Variants in PCSK5 observed in about 807,000 individuals in gnomAD.
PCSK5 encodes prohormone convertase 5.
Under a neutral mutation model 233.2 loss-of-function variants are expected in PCSK5, and 129 were observed. The ratio of observed to expected loss-of-function variants is 0.55; its 90% CI spans 0.48 to 0.64. The LOEUF (loss-of-function observed/expected upper bound fraction) is 0.64. PCSK5 is among the 30% of genes least tolerant of loss of function. PCSK5 has a pLI of 0.00. For synonymous variants in PCSK5, 825 were observed against 879.2 expected, an observed-to-expected ratio of 0.94 and a Z score of 1.09; for missense variants, 2,076 against 2,430.1, an observed-to-expected ratio of 0.85 and a Z score of 3.06.
intron 20 of PCSK5, among the ~76,000 whole-genome samples, chr9:76,208,907 C>G (rs1410187658): frequency 1.3e-5 from 2 of 152,126 alleles, no homozygotes; most frequent in African/African-American, 2.4e-5. Flanking sequence ...TTCACTTTAC[C>G]TCCTGAAACT....
intron 1 of PCSK5, among the ~76,000 whole-genome samples, chr9:75,924,627 A>G (rs968762492): frequency 6.6e-6 from 1 of 152,108 alleles, no homozygotes; most frequent in African/African-American, 2.4e-5. Context: ...GAGAAAAGGA[A>G]TGAGCTCTCT....
chr9:76,006,416 A>G (rs1827481519), intron 3 of PCSK5, among the ~76,000 whole-genome samples: 1 of 151,976 alleles, frequency 6.6e-6, no homozygotes, highest in Non-Finnish European at 1.5e-5. Flanking sequence ...GGAAGGTTGT[A>G]TTATTATTTT....
intron 29 of PCSK5, among the ~76,000 whole-genome samples, chr9:76,309,676 CAAA>C (rs781340914): frequency 1.7e-5 from 2 of 114,574 alleles, no homozygotes. Flanking sequence ...GACGCTGCCT[CAAA>C]AAAAAAAAAA....
At position 76,159,043 on chromosome 9, in the gene PCSK5, C is replaced by A; in HGVS notation, c.1491C>A (p.Asn497Lys). Residue 497 changes from asparagine to lysine, a missense_variant, in exon 12 of 38, where the codon AAC (asparagine) becomes AAA (lysine). Asn to Lys is a moderately conservative substitution (Grantham distance 94). Coordinates refer to ENST00000674117, the MANE Select transcript of PCSK5 (RefSeq NM_001372043.1). ...ACAAAGCTTCAGGCTGCTCGGATAA[C>A]CCCAACCGCCATGTCAACTACCTGG... ...SIYKASGCSDNPNRHVNYLEH... is the reference protein window; with the variant it reads ...SIYKASGCSDKPNRHVNYLEH... 2 of 1,614,136 alleles carry A rather than the reference C, an allele frequency of 1.2e-6. No individual in the cohort carries two copies. The highest frequency in any genetic ancestry group is 1.7e-6 in the Non-Finnish European group (2 of 1,179,996).
chr9:76,009,000 T>G (rs955451472), intron 3 of PCSK5, among the ~76,000 whole-genome samples: 3 of 152,194 alleles, frequency 2.0e-5, no homozygotes, highest in African/African-American at 7.2e-5. Context: ...AAAAAGTGTT[T>G]CTTGTTTATC....
At position 75,891,168 on chromosome 9, in the gene PCSK5, G is replaced by C. The variant is rs200649801; in HGVS notation, c.-14G>C. 3.1e-4 allele frequency: 451 copies of C among 1,455,428 alleles called. 1 individual carries two copies. In the African/African-American group the frequency reaches 6.3e-3, roughly 20 times the overall value. The allele number at this position is 1,455,428 out of a possible 1,614,324, so 90.2% of individuals were successfully genotyped here. ...ACCAGCCAGCGAGCGAGGGAGCAGCGAGGCGCCGGGACCATGGGCTGGGGG... is the reference window on the plus strand; with the variant it reads ...ACCAGCCAGCGAGCGAGGGAGCAGCCAGGCGCCGGGACCATGGGCTGGGGG... On this transcript the variant is annotated 5_prime_UTR_variant, in exon 1 of 38. Transcript: ENST00000674117.
At chr9:76,330,048 C>T (rs72743130) in intron 33 of PCSK5, among the ~76,000 whole-genome samples, 5,342 of 152,130 alleles carry the variant, frequency 0.035, 139 homozygotes, top group Non-Finnish European at 0.056. Flanking sequence ...TGTTCAGTTT[C>T]CCTACTGCAT....
At chr9:76,129,085 A>T (rs1002060968) in intron 9 of PCSK5, among the ~76,000 whole-genome samples, 3 of 152,170 alleles carry the variant, frequency 2.0e-5, no homozygotes, top group Non-Finnish European at 4.4e-5. Context: ...ACTAGCTGCA[A>T]TCAGAGTAAT....
rs150355354 is a variant in PCSK5, at chr9:76,257,583, C to A, written c.3142+16899C>A. 1.9e-3 allele frequency among the ~76,000 whole-genome samples: 292 copies of A among 152,320 alleles called. 2 individuals are homozygous for A. Among genetic ancestry groups the A allele is most frequent in the Non-Finnish European group, 3.0e-3 (201 of 68,024 alleles). On this transcript the variant is annotated intron_variant, in intron 24 of 37. Coordinates refer to ENST00000674117, the MANE Select transcript of PCSK5 (RefSeq NM_001372043.1). The stretch of plus-strand genomic sequence containing the variant: ...CCACCAGGGAAAATTTGGCTCCAGT[C>A]CTCCCCGCAGCCTCCAGTTCAGCTT...
intron 1 of PCSK5, among the ~76,000 whole-genome samples, chr9:75,897,576 C>T (rs940658163): frequency 3.3e-5 from 5 of 149,554 alleles, no homozygotes; most frequent in South Asian, 4.2e-4. Context: ...TCGCTGCAAC[C>T]GCTGCCTCCT....
intron 3 of PCSK5, among the ~76,000 whole-genome samples, chr9:76,009,587 A>G (rs1827636869): frequency 6.6e-6 from 1 of 151,204 alleles, no homozygotes; most frequent in Non-Finnish European, 1.5e-5. Context: ...AGATCACACC[A>G]CTGCACTCCA....
At chr9:76,065,672 C>T (rs182525329) in intron 5 of PCSK5, among the ~76,000 whole-genome samples, 55 of 152,224 alleles carry the variant, frequency 3.6e-4, no homozygotes, top group African/African-American at 1.3e-3. Flanking sequence ...TTGCATGTAT[C>T]TATTTTTGCT....
At chr9:76,343,965 A>T (rs1253993794) in intron 35 of PCSK5, among the ~76,000 whole-genome samples, 2 of 152,176 alleles carry the variant, frequency 1.3e-5, no homozygotes, top group Non-Finnish European at 2.9e-5. Flanking sequence ...AAGTATAATT[A>T]ATTTTAATCA....
chr9:76,237,613 CAA>C (rs773927138), intron 22 of PCSK5, among the ~76,000 whole-genome samples: 51 of 128,334 alleles, frequency 4.0e-4, no homozygotes, highest in South Asian at 3.0e-3. Flanking sequence ...ACAAAACATA[CAA>C]AAAAAAAAAA....
At chr9:76,212,271 A>T (rs1587764591) in intron 20 of PCSK5, among the ~76,000 whole-genome samples, 3 of 152,238 alleles carry the variant, frequency 2.0e-5, no homozygotes, top group African/African-American at 7.2e-5. Context: ...GGCACTCCTG[A>T]TTGCTTATGG....
chr9:76,086,341 A>G (rs1025000961), intron 7 of PCSK5, among the ~76,000 whole-genome samples: 3 of 152,158 alleles, frequency 2.0e-5, no homozygotes, highest in African/African-American at 2.4e-5. Context: ...GAATTGAGAA[A>G]CCTAGTCTGC....
chr9:76,188,496 G>C (rs899603648), intron 17 of PCSK5, 82 bp from the exon 18 acceptor site: 2 of 848,646 alleles, frequency 2.4e-6, no homozygotes, highest in African/African-American at 1.7e-5. Context: ...AACTGTATCT[G>C]TTACATATGG....
chr9:76,248,690 T>C (rs1826696932), intron 24 of PCSK5, among the ~76,000 whole-genome samples: 1 of 152,230 alleles, frequency 6.6e-6, no homozygotes, highest in African/African-American at 2.4e-5. Context: ...AAACAAGTTA[T>C]TATACATAAC....
At chr9:76,342,492 G>C (rs984673838) in intron 35 of PCSK5, among the ~76,000 whole-genome samples, 1 of 152,114 alleles carries the variant, frequency 6.6e-6, no homozygotes, top group Non-Finnish European at 1.5e-5. Context: ...CCCCACACTG[G>C]GAGAAGACCA....
Sources: allele counts gnomAD v4.1 joint callset (sites outside exome capture counted in the v4.1 genomes callset), GRCh38; gene constraint gnomAD v4.1.1; transcripts MANE v1.5; gene names NCBI Gene and HGNC (gene_info 2026-07-23, HGNC 2026-07-21).